The following TENM4 variants were observed in gnomAD, a reference collection of about 807,000 sequenced individuals.
TENM4 encodes teneurin-4.
A neutral mutation model predicts 243.3 loss-of-function variants in TENM4; 82 were observed. The observed-to-expected ratio is 0.34, with a 90% CI of 0.28 to 0.40. TENM4 has a LOEUF of 0.40. Among genes scored for constraint, TENM4 ranks in the 10% least tolerant of loss-of-function variants. The pLI, the probability that TENM4 is intolerant of heterozygous loss-of-function variation, is 1.00. For missense variants in TENM4, 3,138 were observed against 3,673.3 expected, an observed-to-expected ratio of 0.85 and a Z score of 3.77; for synonymous variants, 1,412 against 1,456.3, an observed-to-expected ratio of 0.97 and a Z score of 0.69.
At chr11:79,377,165 G>A (rs1857908143) in intron 1 of TENM4, among the ~76,000 whole-genome samples, 1 of 152,194 alleles carries the variant, frequency 6.6e-6, no homozygotes, top group Non-Finnish European at 1.5e-5. Context: ...ACCAGAAACT[G>A]GAAGAGGCAG....
chr11:79,391,993 G>T (rs1858244366), intron 1 of TENM4, among the ~76,000 whole-genome samples: 1 of 152,030 alleles, frequency 6.6e-6, no homozygotes, highest in Non-Finnish European at 1.5e-5. Context: ...TGGGATCCAA[G>T]AAATAAAATT....
intron 6 of TENM4, among the ~76,000 whole-genome samples, chr11:79,023,145 G>A (rs988469871): frequency 1.3e-5 from 2 of 152,108 alleles, no homozygotes; most frequent in Non-Finnish European, 2.9e-5. Flanking sequence ...TTGAATGAAT[G>A]TTTACTTGGT....
intron 19 of TENM4, among the ~76,000 whole-genome samples, chr11:78,753,516 C>G (rs1565364359): frequency 6.6e-6 from 1 of 152,190 alleles, no homozygotes; most frequent in Admixed American, 6.5e-5. Flanking sequence ...CCAAGATCAT[C>G]GAATACCAAG....
Position 78,658,202 on chromosome 11 carries a change from C to T in TENM4, c.8166G>A (p.Glu2722=). The T allele has an allele frequency of 3.7e-6, 6 of 1,614,078 alleles. No homozygotes were observed. Among genetic ancestry groups the T allele is most frequent in the Non-Finnish European group, 5.1e-6 (6 of 1,179,912 alleles). Residue 2722 remains glutamate (E), a synonymous_variant, in exon 34 of 34, where the codon GAG becomes GAA. Coordinates refer to ENST00000278550, the MANE Select transcript of TENM4 (RefSeq NM_001098816.3). ...TGCTCAGCACCTGCTGCTTCTCCCC[C>T]TCTGTCCAGGCCCGCAGGCCTTCCT... ...EGEEGLRAWT[E]GEKQQVLSTG... is the part of the protein sequence containing the mutation.
chr11:78,897,077 T>C (rs540029619), intron 7 of TENM4, among the ~76,000 whole-genome samples: 37 of 152,256 alleles, frequency 2.4e-4, no homozygotes, highest in Middle Eastern at 3.4e-3. Context: ...TGCTTTCCTT[T>C]GGGGAGTCTG....
chr11:79,260,151 T>C (rs1855771582), intron 2 of TENM4, among the ~76,000 whole-genome samples: 1 of 152,222 alleles, frequency 6.6e-6, no homozygotes, highest in South Asian at 2.1e-4. Flanking sequence ...TGACAAAATA[T>C]AACTTCATTT....
At chr11:78,980,270 T>A (rs1857761653) in intron 6 of TENM4, among the ~76,000 whole-genome samples, 1 of 152,220 alleles carries the variant, frequency 6.6e-6, no homozygotes, top group Admixed American at 6.5e-5. Flanking sequence ...TAGACATGCA[T>A]CCATTTTTAA....
Position 78,805,277 on chromosome 11 carries a change from T to TGCCCCCCCCCCACCCCCCCCC in TENM4, c.2179+14_2179+15insGGGGGGGGGTGGGGGGGGGGC. The TGCCCCCCCCCCACCCCCCCCC allele has an allele frequency of 7.1e-7, 1 of 1,402,548 alleles. No individual in the cohort carries two copies. The highest frequency in any genetic ancestry group is 9.7e-7 in the Non-Finnish European group (1 of 1,033,114). 86.9% of individuals were successfully genotyped at this position (1,402,548 alleles called of 1,614,324 possible). A position where few individuals can be genotyped will look rare whatever the true frequency, so the allele number is the denominator to read the frequency against. Reference sequence around the variant, plus strand: ...CCCCTCCCTCTACCCATGCTTCTTCTCCCCCTGCATTTACCGATAGAACAG... The same window carrying TGCCCCCCCCCCACCCCCCCCC: ...CCCCTCCCTCTACCCATGCTTCTTCTGCCCCCCCCCCACCCCCCCCCCCCCCTGCATTTACCGATAGAACAG... On this transcript the variant is annotated intron_variant, in intron 15 of 33. Coordinates refer to ENST00000278550, the MANE Select transcript of TENM4 (RefSeq NM_001098816.3).
intron 3 of TENM4, among the ~76,000 whole-genome samples, chr11:79,209,699 G>T (rs1416580652): frequency 1.3e-5 from 2 of 152,194 alleles, no homozygotes; most frequent in Non-Finnish European, 2.9e-5. Context: ...CCGGCATGAG[G>T]TTACCAGTGG....
At chr11:79,404,188 G>C (rs1210520289) in intron 1 of TENM4, among the ~76,000 whole-genome samples, 1 of 152,202 alleles carries the variant, frequency 6.6e-6, no homozygotes, top group Non-Finnish European at 1.5e-5. Flanking sequence ...CAAATCCTTT[G>C]TGGAAAAGAA....
At chr11:78,737,632 C>T (rs1855830700) in intron 20 of TENM4, among the ~76,000 whole-genome samples, 1 of 152,222 alleles carries the variant, frequency 6.6e-6, no homozygotes, top group Admixed American at 6.5e-5. Flanking sequence ...CTTGTCACCA[C>T]TGACAGCCTA....
At chr11:78,865,724 C>T (rs1178680367) in intron 9 of TENM4, among the ~76,000 whole-genome samples, 3 of 152,060 alleles carry the variant, frequency 2.0e-5, no homozygotes. Context: ...AGCCAGGAGG[C>T]CACGCTCGGG....
intron 1 of TENM4, among the ~76,000 whole-genome samples, chr11:79,391,256 T>C (rs921927483): frequency 1.3e-5 from 2 of 152,176 alleles, no homozygotes; most frequent in African/African-American, 4.8e-5. Context: ...GTTCCTTTTT[T>C]TTTTCCATCA....
chr11:79,199,004 G>C (rs1040277047), intron 3 of TENM4, among the ~76,000 whole-genome samples: 1 of 152,194 alleles, frequency 6.6e-6, no homozygotes, highest in African/African-American at 2.4e-5. Context: ...AGGAGTCCCT[G>C]ATGTTAGACG....
chr11:78,889,671 A>G, intron 9 of TENM4, 114 bp downstream of exon 9: 1 of 1,182,514 alleles, frequency 8.5e-7, no homozygotes, highest in South Asian at 1.5e-5. Flanking sequence ...CCTGGCTCAC[A>G]CTGCGTGCTT....
At chr11:78,713,113 TA>T (rs199704570) in intron 25 of TENM4, among the ~76,000 whole-genome samples, 1 of 152,116 alleles carries the variant, frequency 6.6e-6, no homozygotes, top group Non-Finnish European at 1.5e-5. Flanking sequence ...CTCTTGACTT[TA>T]AAAAAACACT....
Position 79,150,475 on chromosome 11 carries a change from A to G in TENM4, c.-162-1669T>C, listed in dbSNP as rs116633757. Among the ~76,000 whole-genome samples the G allele has an allele frequency of 5.6e-3, 855 of 152,130 alleles. 12 individuals carry two copies. Among genetic ancestry groups the G allele is most frequent in the African/African-American group, 0.019 (803 of 41,502 alleles). On this transcript the variant is annotated intron_variant, in intron 3 of 33. Coordinates refer to ENST00000278550, the MANE Select transcript of TENM4 (RefSeq NM_001098816.3). The stretch of plus-strand genomic sequence containing the variant: ...TGACCTTGTCCCCTGTCCTGCCCCC[A>G]AGTTCCTTTTCTCCTTTTCAGAGAG...
At chr11:79,195,837 G>A (rs1258384517) in intron 3 of TENM4, among the ~76,000 whole-genome samples, 1 of 152,104 alleles carries the variant, frequency 6.6e-6, no homozygotes, top group African/African-American at 2.4e-5. Flanking sequence ...GTGAGGACAT[G>A]AGATTTGGAG....
intron 16 of TENM4, among the ~76,000 whole-genome samples, chr11:78,783,639 G>A (rs1481185391): frequency 6.6e-6 from 1 of 152,204 alleles, no homozygotes; most frequent in East Asian, 1.9e-4. Context: ...TCTTCAAGAT[G>A]CAAAGAGACA....
Sources: allele counts gnomAD v4.1 joint callset (sites outside exome capture counted in the v4.1 genomes callset), GRCh38; gene constraint gnomAD v4.1.1; transcripts MANE v1.5; gene names NCBI Gene and HGNC (gene_info 2026-07-23, HGNC 2026-07-21).